Variants in STEAP1B observed in about 807,000 individuals in gnomAD.
STEAP1B encodes the protein STEAP family protein MGC87042.
A neutral mutation model predicts 27.9 loss-of-function variants in STEAP1B; 13 were observed. The ratio of observed to expected loss-of-function variants is 0.47; its 90% confidence interval spans 0.30 to 0.74. The LOEUF (loss-of-function observed/expected upper bound fraction) is 0.74, where lower values mean the gene tolerates loss of function less well. Ranked by LOEUF, STEAP1B falls within the 30% of genes least tolerant of loss-of-function variation. The pLI, the probability that STEAP1B is intolerant of heterozygous loss-of-function variation, is 0.06. For synonymous variants in STEAP1B, 86 were observed against 107.1 expected (o/e 0.80, Z 1.22); for missense variants, 250 against 298.7 (o/e 0.84, Z 1.20).
chr7:22,479,605 T>C (rs956654922), intron 4 of STEAP1B, among the ~76,000 whole-genome samples: 1 of 151,270 alleles, frequency 6.6e-6, no homozygotes, highest in African/African-American at 2.4e-5. Flanking sequence ...GTAAGCCTCC[T>C]GAGGCTCTGA....
chr7:22,440,478 C>A (rs1392201327), intron 4 of STEAP1B, among the ~76,000 whole-genome samples: 1 of 151,970 alleles, frequency 6.6e-6, no homozygotes, highest in Non-Finnish European at 1.5e-5. Flanking sequence ...CAAATACATA[C>A]CCTGTAAAGT....
At chr7:22,484,166 G>A (rs1786134402) in intron 4 of STEAP1B, among the ~76,000 whole-genome samples, 1 of 152,220 alleles carries the variant, frequency 6.6e-6, no homozygotes, top group South Asian at 2.1e-4. Context: ...CATTGAAGCA[G>A]GTGGCTACAC....
At chr7:22,455,730 C>A (rs1418547224) in intron 4 of STEAP1B, among the ~76,000 whole-genome samples, 2 of 152,188 alleles carry the variant, frequency 1.3e-5, no homozygotes, top group Non-Finnish European at 2.9e-5. Flanking sequence ...TTCCAATGTG[C>A]TATTTCTCAC....
chr7:22,474,879 G>A (rs1785944767), intron 4 of STEAP1B, among the ~76,000 whole-genome samples: 1 of 152,188 alleles, frequency 6.6e-6, no homozygotes, highest in Non-Finnish European at 1.5e-5. Flanking sequence ...ACCCAGGCAG[G>A]TAGCTGTGTG....
At chr7:22,464,948 C>CATACATATATATATATATATATATATAT (rs1785747922) in intron 4 of STEAP1B, among the ~76,000 whole-genome samples, 3 of 45,012 alleles carry the variant, frequency 6.7e-5, no homozygotes, top group Non-Finnish European at 1.6e-4. Context: ...TACCAAACCC[C>CATACATATATATATATATATATATATAT]ATATATATAT....
chr7:22,483,729 G>T (rs1419044446), intron 4 of STEAP1B, among the ~76,000 whole-genome samples: 1 of 152,164 alleles, frequency 6.6e-6, no homozygotes, highest in African/African-American at 2.4e-5. Context: ...AGGCTGAGAG[G>T]CTATTTAGGG....
intron 4 of STEAP1B, among the ~76,000 whole-genome samples, chr7:22,433,266 C>CAACTTACT (rs1262951637): frequency 6.6e-5 from 10 of 151,704 alleles, no homozygotes; most frequent in Non-Finnish European, 1.3e-4. Flanking sequence ...CACCTTCCCC[C>CAACTTACT]AACTTACTAT....
At chr7:22,431,463 A>T (rs914446243) in intron 4 of STEAP1B, among the ~76,000 whole-genome samples, 7 of 152,216 alleles carry the variant, frequency 4.6e-5, no homozygotes, top group African/African-American at 1.7e-4. Flanking sequence ...TTCTAAACCA[A>T]GCGCTGTGGC....
Position 22,440,714 on chromosome 7 carries a change from CTTG to C in STEAP1B, c.763-20881_763-20879del, listed in dbSNP as rs1481087217. ...ACAGTTTTATTTAAAAAATTAAAAG[CTTG>C]TTTTCAGAATGTGGCTTAGAAAAGG... On this transcript the variant is annotated intron_variant, in intron 4 of 4. Coordinates refer to ENST00000678116, the MANE Select transcript of STEAP1B (RefSeq NM_001382447.1). Among the ~76,000 whole-genome samples, 3 of 151,836 alleles carry C rather than the reference CTTG, an allele frequency of 2.0e-5. No individual in the cohort carries two copies. The East Asian group carries it at 5.8e-4, about 29-fold the overall frequency.
intron 4 of STEAP1B, among the ~76,000 whole-genome samples, chr7:22,487,161 C>T (rs1786224354): frequency 6.6e-6 from 1 of 152,234 alleles, no homozygotes; most frequent in South Asian, 2.1e-4. Context: ...CAGCCAGGTG[C>T]AGTGGCTCAT....
At chr7:22,440,919 T>A (rs953927550) in intron 4 of STEAP1B, among the ~76,000 whole-genome samples, 1 of 151,034 alleles carries the variant, frequency 6.6e-6, no homozygotes, top group African/African-American at 2.4e-5. Context: ...ATTTAAAAAT[T>A]GTGCTTTAAT....
Position 22,474,309 on chromosome 7 carries a change from G to A in STEAP1B, c.762+18256C>T, listed in dbSNP as rs1445682087. Among the ~76,000 whole-genome samples, 3 of 152,302 alleles carry A rather than the reference G, an allele frequency of 2.0e-5. No individual in the cohort carries two copies. The East Asian group carries it at 5.8e-4, about 29-fold the overall frequency. Reference sequence around the variant, plus strand: ...CCTCGGCTGCCCCTGGGAATCATCTGAGGAGTTTGCTAAAAAATACTGATG... The same window carrying A: ...CCTCGGCTGCCCCTGGGAATCATCTAAGGAGTTTGCTAAAAAATACTGATG... On this transcript the variant is annotated intron_variant, in intron 4 of 4. Coordinates refer to ENST00000678116, the MANE Select transcript of STEAP1B (RefSeq NM_001382447.1).
chr7:22,499,868 G>A (rs1786505217), intron 1 of STEAP1B, among the ~76,000 whole-genome samples: 1 of 152,248 alleles, frequency 6.6e-6, no homozygotes, highest in East Asian at 1.9e-4. Context: ...CTTCCTCTGA[G>A]TCCCTGGCTC....
chr7:22,434,206 C>T (rs1785225923), intron 4 of STEAP1B, among the ~76,000 whole-genome samples: 1 of 152,202 alleles, frequency 6.6e-6, no homozygotes, highest in African/African-American at 2.4e-5. Flanking sequence ...CAGAGGGCCC[C>T]TCCAGGGACA....
intron 4 of STEAP1B, among the ~76,000 whole-genome samples, chr7:22,460,483 T>A (rs1401206099): frequency 6.6e-6 from 1 of 152,118 alleles, no homozygotes; most frequent in Non-Finnish European, 1.5e-5. Flanking sequence ...GACATGGAGC[T>A]CATCTGGAGT....
intron 4 of STEAP1B, chr7:22,438,469 G>T (rs982314354): frequency 6.5e-7 from 1 of 1,542,704 alleles, no homozygotes; most frequent in Non-Finnish European, 8.7e-7. Context: ...AGGGAACAAG[G>T]TTCTCACTTT....
At chr7:22,495,076 T>C (rs1277912593) in intron 1 of STEAP1B, among the ~76,000 whole-genome samples, 190 bp from the exon 2 acceptor site, 2 of 152,236 alleles carry the variant, frequency 1.3e-5, no homozygotes, top group Non-Finnish European at 2.9e-5. Context: ...AATGCCCTCT[T>C]ATCAACAGTA....
intron 4 of STEAP1B, among the ~76,000 whole-genome samples, chr7:22,462,712 A>G (rs1175710760): frequency 6.6e-6 from 1 of 151,234 alleles, no homozygotes; most frequent in Non-Finnish European, 1.5e-5. Context: ...GTGTCTTTAT[A>G]GCAGCATGAT....
At chr7:22,426,175 G>A (rs1434799518) in intron 4 of STEAP1B, among the ~76,000 whole-genome samples, 1 of 133,934 alleles carries the variant, frequency 7.5e-6, no homozygotes, top group Non-Finnish European at 1.6e-5. Flanking sequence ...CAATCCTTTT[G>A]TCTCCTGGGC....
Sources: allele counts gnomAD v4.1 joint callset (sites outside exome capture counted in the v4.1 genomes callset), GRCh38; gene constraint gnomAD v4.1.1; transcripts MANE v1.5; gene names NCBI Gene and HGNC (gene_info 2026-07-23, HGNC 2026-07-21).